The following APPL2 variants were observed in gnomAD, a reference collection of about 807,000 sequenced individuals.
APPL2 encodes the protein adaptor protein, phosphotyrosine interacting with PH domain and leucine zipper 2.
Under a neutral mutation model 92.7 loss-of-function variants are expected in APPL2, and 84 were observed. The ratio of observed to expected loss-of-function variants is 0.91; its 90% CI spans 0.76 to 1.09. The LOEUF (loss-of-function observed/expected upper bound fraction) is 1.09, where lower values mean the gene tolerates loss of function less well. APPL2 is among the 50% of genes least tolerant of loss of function. APPL2 has a pLI of 0.00. For missense variants in APPL2, 736 were observed against 824.5 expected, an observed-to-expected ratio of 0.89 and a Z score of 1.31; for synonymous variants, 291 against 291.0, an observed-to-expected ratio of 1.00 and a Z score of 0.00.
intron 4 of APPL2, among the ~76,000 whole-genome samples, chr12:105,216,846 G>T (rs1438332543): frequency 1.3e-5 from 2 of 152,092 alleles, no homozygotes; most frequent in Non-Finnish European, 2.9e-5. Context: ...TCTTTCTTTT[G>T]GTCTATTCTT....
At chr12:105,235,878 G>A (rs1891196063) in intron 1 of APPL2, 81 bp downstream of exon 1, 1 of 1,149,958 alleles carries the variant, frequency 8.7e-7, no homozygotes, top group Non-Finnish European at 1.1e-6. Flanking sequence ...CCGGCCGGGG[G>A]CGCGGCCTCC....
At chr12:105,208,327 G>T in intron 5 of APPL2, 128 bp from the exon 6 acceptor site, 1 of 1,095,098 alleles carries the variant, frequency 9.1e-7, no homozygotes, top group Non-Finnish European at 1.3e-6. Flanking sequence ...TCAGTCCCTG[G>T]CTCTCACAGG....
rs148108135 is a variant in APPL2, at chr12:105,197,775, T to C, written c.1042A>G (p.Asn348Asp). 2.4e-3 allele frequency: 3,953 copies of C among 1,614,224 alleles called. 11 individuals carry two copies. Among genetic ancestry groups the C allele is most frequent in the Non-Finnish European group, 3.1e-3 (3,694 of 1,180,046 alleles). ...RRYCFQITTP[N>D]GKSGIILQAE... ...ACGCGTGAAACATACGATTTTCCAT[T>C]GGGCGTGGTGATCTGGAAGCAGTAG... is the stretch of plus-strand genomic sequence containing the variant. The change falls in exon 11 of 21, where the codon AAT (asparagine) becomes GAT (aspartate). Residue 348 changes from asparagine to aspartate, a missense_variant. Coordinates refer to ENST00000258530, the MANE Select transcript of APPL2 (RefSeq NM_018171.5).
At chr12:105,198,245 G>A (rs1294222812) in intron 10 of APPL2, among the ~76,000 whole-genome samples, 1 of 152,130 alleles carries the variant, frequency 6.6e-6, no homozygotes, top group Non-Finnish European at 1.5e-5. Flanking sequence ...ACTAGAATGA[G>A]TCCGACACCA....
intron 17 of APPL2, among the ~76,000 whole-genome samples, chr12:105,184,332 G>T (rs1196854): frequency 6.6e-6 from 1 of 151,972 alleles, no homozygotes; most frequent in Admixed American, 6.6e-5. Context: ...TTTGGAGGAG[G>T]AGAGGCATTC....
chr12:105,194,011 C>A (rs538853585), intron 14 of APPL2, among the ~76,000 whole-genome samples: 1 of 152,142 alleles, frequency 6.6e-6, no homozygotes, highest in African/African-American at 2.4e-5. Flanking sequence ...TCTCAGATAC[C>A]CCGTGCCCGG....
At chr12:105,182,793 T>G (rs569123399) in intron 17 of APPL2, among the ~76,000 whole-genome samples, 26 of 152,356 alleles carry the variant, frequency 1.7e-4, no homozygotes, top group African/African-American at 6.3e-4. Context: ...AGAGCTGAGT[T>G]TAAGTCCTGA....
At chr12:105,187,270 T>G (rs947592710) in intron 17 of APPL2, among the ~76,000 whole-genome samples, 4 of 152,222 alleles carry the variant, frequency 2.6e-5, no homozygotes, top group African/African-American at 9.6e-5. Context: ...TATATCCTAA[T>G]TTTTGCTATA....
intron 4 of APPL2, among the ~76,000 whole-genome samples, chr12:105,213,958 G>A (rs750060): frequency 0.49 from 75,021 of 151,884 alleles, 19,169 homozygotes; most frequent in East Asian, 0.67. Context: ...AGGCTGAGGC[G>A]GGCAGATCAC....
At chr12:105,190,617 C>T (rs1392175447) in intron 14 of APPL2, among the ~76,000 whole-genome samples, 1 of 152,220 alleles carries the variant, frequency 6.6e-6, no homozygotes, top group Non-Finnish European at 1.5e-5. Context: ...ACACATACCA[C>T]ATGCTTTTCC....
chr12:105,177,565 A>G (rs950621167), intron 17 of APPL2: 36 of 382,718 alleles, frequency 9.4e-5, no homozygotes, highest in Middle Eastern at 7.6e-4. Context: ...CTGCTATATA[A>G]TATGGATGGA....
At position 105,217,757 on chromosome 12, in the gene APPL2, T is replaced by G. The variant is rs549818962; in HGVS notation, c.154-32A>C. ...AGAGAAGAGAAAAAGCAAGTAAGAT[T>G]AGTCCAATGTATACATAGTCACTGA... On this transcript the variant is annotated intron_variant, in intron 2 of 20. Coordinates refer to ENST00000258530, the MANE Select transcript of APPL2 (RefSeq NM_018171.5). 41 of 1,600,604 alleles carry G rather than the reference T, an allele frequency of 2.6e-5. 1 individual carries two copies. The South Asian group carries it at 3.9e-4, about 15-fold the overall frequency.
rs754419049 is a variant in APPL2, at chr12:105,211,362, A to G, written c.286-45T>C. The G allele has an allele frequency of 1.3e-5, 17 of 1,348,226 alleles. No homozygotes were observed. In the South Asian group the frequency reaches 2.0e-4, roughly 16 times the overall value. The allele number at this position is 1,348,226 out of a possible 1,614,324, so 83.5% of individuals were successfully genotyped here. A position where few individuals can be genotyped will look rare whatever the true frequency, so the allele number is the denominator to read the frequency against. ...ATTCAAGTAAATTAAATACATTATTATTATTGACATAGTCTCATTTCACCA... is the reference window on the plus strand; with the variant it reads ...ATTCAAGTAAATTAAATACATTATTGTTATTGACATAGTCTCATTTCACCA... On this transcript the variant is annotated intron_variant, in intron 4 of 20. Transcript: ENST00000258530.
intron 5 of APPL2, 71 bp from the exon 6 acceptor site, chr12:105,208,270 T>G: frequency 6.4e-7 from 1 of 1,564,076 alleles, no homozygotes; most frequent in Non-Finnish European, 8.8e-7. Context: ...CTCTGCACTT[T>G]CCCCTGAAAA....
At chr12:105,233,191 G>A (rs1592847762) in intron 1 of APPL2, 1 of 985,304 alleles carries the variant, frequency 1.0e-6, no homozygotes, top group East Asian at 1.1e-4. Flanking sequence ...TGGAACTGTT[G>A]CCTCATTATC....
intron 17 of APPL2, 29 bp from the exon 18 acceptor site, chr12:105,177,291 C>T (rs778104566): frequency 6.4e-5 from 103 of 1,599,332 alleles, no homozygotes; most frequent in Non-Finnish European, 8.7e-5. Flanking sequence ...CATTATGTCA[C>T]AAATGTTGGA....
Position 105,188,349 on chromosome 12 carries a change from C to CTT in APPL2, c.1556_1557dup (p.Val520LysfsTer14). 6.2e-7 allele frequency: 1 copy of CTT among 1,614,232 alleles called. No homozygotes were observed. On this transcript the variant is annotated frameshift_variant, in exon 17 of 21. Transcript: ENST00000258530. LOFTEE classifies it high-confidence loss of function. ...TTATGAATAGCCCGAGCAGCCAATA[C>CTT]TTGTCTCATCGCTTCATAAATCACT...
At chr12:105,201,215 T>C (rs1888175332) in intron 9 of APPL2, among the ~76,000 whole-genome samples, 1 of 152,190 alleles carries the variant, frequency 6.6e-6, no homozygotes, top group African/African-American at 2.4e-5. Context: ...GGTCAGCCCC[T>C]CTTCTTTAAT....
intron 8 of APPL2, among the ~76,000 whole-genome samples, chr12:105,204,025 T>A (rs1183095974): frequency 6.6e-6 from 1 of 152,216 alleles, no homozygotes; most frequent in Admixed American, 6.5e-5. Context: ...AACTCCTGTC[T>A]AATATTCACT....
Sources: allele counts gnomAD v4.1 joint callset (sites outside exome capture counted in the v4.1 genomes callset), GRCh38; gene constraint gnomAD v4.1.1; transcripts MANE v1.5; gene names NCBI Gene and HGNC (gene_info 2026-07-23, HGNC 2026-07-21).